MDGA2: variants seen among roughly 807,000 people sequenced by gnomAD.
MDGA2 encodes the protein MAM domain containing glycosylphosphatidylinositol anchor 2, also known as MAM domain-containing glycosylphosphatidylinositol anchor protein 2.
A neutral mutation model predicts 117.8 loss-of-function variants in MDGA2; 40 were observed. The observed-to-expected ratio is 0.34, with a 90% CI of 0.26 to 0.44. The LOEUF (loss-of-function observed/expected upper bound fraction) is 0.44. MDGA2 is among the 20% of genes least tolerant of loss of function. MDGA2 has a pLI of 1.00. For missense variants in MDGA2, 1,123 were observed against 1,250.6 expected, an observed-to-expected ratio of 0.90 and a Z score of 1.54; for synonymous variants, 452 against 439.0, an observed-to-expected ratio of 1.03 and a Z score of -0.37.
chr14:47,545,108 T>C lies in MDGA2; in HGVS notation c.280+129409A>G, dbSNP rs1955804. Among the ~76,000 whole-genome samples, 115 of 152,322 alleles carry C rather than the reference T, an allele frequency of 7.5e-4. 2 individuals are homozygous for C. The highest frequency in any genetic ancestry group is 6.6e-3 in the Admixed American group (101 of 15,298). On this transcript the variant is annotated intron_variant, in intron 1 of 16. Transcript: ENST00000399232. ...ATGAAAAATGCTGGCCTTCTATTAG[T>C]ATTGTGAAAATCTGTCAGGTTCTGT... is the stretch of plus-strand genomic sequence containing the variant.
intron 1 of MDGA2, among the ~76,000 whole-genome samples, chr14:47,345,087 G>A (rs1890735884): frequency 1.3e-5 from 2 of 151,950 alleles, no homozygotes; most frequent in African/African-American, 4.8e-5. Context: ...TCTCCTTAGG[G>A]AATATACAAC....
At chr14:47,004,429 T>C (rs1243113745) in intron 8 of MDGA2, among the ~76,000 whole-genome samples, 1 of 151,772 alleles carries the variant, frequency 6.6e-6, no homozygotes, top group Non-Finnish European at 1.5e-5. Context: ...TTCTGTTCCA[T>C]TAATCTAAGT....
intron 8 of MDGA2, among the ~76,000 whole-genome samples, chr14:47,001,980 A>G (rs1439227653): frequency 6.6e-6 from 1 of 152,130 alleles, no homozygotes; most frequent in Non-Finnish European, 1.5e-5. Flanking sequence ...ATTCTCAACT[A>G]CATATTTTTA....
At chr14:47,430,381 G>C (rs1892775193) in intron 1 of MDGA2, among the ~76,000 whole-genome samples, 1 of 152,008 alleles carries the variant, frequency 6.6e-6, no homozygotes, top group Non-Finnish European at 1.5e-5. Flanking sequence ...AGAATATCAA[G>C]ATTATGTCTG....
At chr14:47,621,454 A>G (rs1382271148) in intron 1 of MDGA2, among the ~76,000 whole-genome samples, 1 of 152,110 alleles carries the variant, frequency 6.6e-6, no homozygotes, top group Admixed American at 6.6e-5. Context: ...CCTCCTGAGT[A>G]GCTAGGACTA....
chr14:47,188,450 T>C (rs1884991444), intron 3 of MDGA2, among the ~76,000 whole-genome samples: 1 of 152,114 alleles, frequency 6.6e-6, no homozygotes, highest in Non-Finnish European at 1.5e-5. Flanking sequence ...CCACCAACAA[T>C]CACGTGAGTA....
intron 1 of MDGA2, among the ~76,000 whole-genome samples, chr14:47,371,016 GA>G (rs938419220): frequency 1.3e-5 from 2 of 151,704 alleles, no homozygotes; most frequent in Non-Finnish European, 3.0e-5. Flanking sequence ...CCTTTGACTT[GA>G]AAAACTTCTT....
intron 5 of MDGA2, among the ~76,000 whole-genome samples, chr14:47,113,118 C>A (rs1014189486): frequency 1.8e-4 from 27 of 152,018 alleles, no homozygotes; most frequent in African/African-American, 6.3e-4. Flanking sequence ...TGCTTAAGTT[C>A]ATTGTAGATT....
intron 10 of MDGA2, among the ~76,000 whole-genome samples, chr14:46,901,095 A>T (rs1595032132): frequency 6.6e-6 from 1 of 151,184 alleles, no homozygotes; most frequent in Non-Finnish European, 1.5e-5. Flanking sequence ...AAAAAGATAC[A>T]CAAATGACAC....
intron 3 of MDGA2, among the ~76,000 whole-genome samples, chr14:47,217,748 C>G (rs954075712): frequency 2.0e-5 from 3 of 151,352 alleles, no homozygotes; most frequent in African/African-American, 7.3e-5. Context: ...GCATTAAAAC[C>G]CTAGTTATTA....
At chr14:47,019,984 T>C (rs1172493342) in intron 8 of MDGA2, among the ~76,000 whole-genome samples, 3 of 152,164 alleles carry the variant, frequency 2.0e-5, no homozygotes, top group African/African-American at 4.8e-5. Flanking sequence ...TTCAGCGTAA[T>C]TGGATGAATG....
chr14:47,577,853 A>G (rs1423987541), intron 1 of MDGA2, among the ~76,000 whole-genome samples: 5 of 152,234 alleles, frequency 3.3e-5, no homozygotes, highest in African/African-American at 1.2e-4. Flanking sequence ...ACTGCAGAAG[A>G]CAGTGTGGTG....
At chr14:47,252,816 C>T (rs1422469526) in intron 2 of MDGA2, among the ~76,000 whole-genome samples, 1 of 152,140 alleles carries the variant, frequency 6.6e-6, no homozygotes, top group East Asian at 1.9e-4. Context: ...AGTCCATTAT[C>T]ACACTACTAT....
At chr14:47,001,950 C>T (rs951088194) in intron 8 of MDGA2, among the ~76,000 whole-genome samples, 8 of 152,040 alleles carry the variant, frequency 5.3e-5, no homozygotes, top group Admixed American at 3.9e-4. Flanking sequence ...TGTTGCTAAG[C>T]TATGAAAGCA....
At chr14:47,161,759 C>T (rs561013371) in intron 3 of MDGA2, among the ~76,000 whole-genome samples, 1 of 151,664 alleles carries the variant, frequency 6.6e-6, no homozygotes, top group South Asian at 2.1e-4. Flanking sequence ...CTTTTTATTT[C>T]TTCTTTTCTC....
chr14:47,154,334 C>T (rs1017449225), intron 3 of MDGA2, among the ~76,000 whole-genome samples: 21 of 152,228 alleles, frequency 1.4e-4, no homozygotes, highest in Admixed American at 6.5e-5. Flanking sequence ...ACGACGACCG[C>T]AGTGGGGGAG....
chr14:47,408,069 T>TC (rs1275816509), intron 1 of MDGA2, among the ~76,000 whole-genome samples: 2 of 148,624 alleles, frequency 1.3e-5, no homozygotes, highest in African/African-American at 5.0e-5. Context: ...TTTTTTTTTT[T>TC]TTTTTTTGGT....
At chr14:47,471,279 G>A (rs1893723123) in intron 1 of MDGA2, among the ~76,000 whole-genome samples, 1 of 148,584 alleles carries the variant, frequency 6.7e-6, no homozygotes, top group Admixed American at 6.8e-5. Context: ...GACAGACTCT[G>A]GATGTTGTCA....
chr14:47,271,180 C>T lies in MDGA2; in HGVS notation c.420+30231G>A, dbSNP rs1196314787. The stretch of plus-strand genomic sequence containing the variant: ...CTTTCCTGCCCCCAAAGTCTTAGCT[C>T]TACCTGCCTTTGCATTAGTGCTGCT... On this transcript the variant is annotated intron_variant, in intron 2 of 16. Coordinates refer to ENST00000399232, the MANE Select transcript of MDGA2 (RefSeq NM_001113498.3). Among the ~76,000 whole-genome samples, 3 of 152,316 alleles carry T rather than the reference C, an allele frequency of 2.0e-5. No homozygotes were observed. In the East Asian group the frequency reaches 5.8e-4, roughly 29 times the overall value.
Sources: gnomAD v4.1 joint callset for allele counts (sites outside exome capture counted in the v4.1 genomes callset) on GRCh38, gnomAD v4.1.1 for gene constraint, MANE v1.5 for transcripts, NCBI Gene and HGNC (gene_info 2026-07-23, HGNC 2026-07-21) for gene names.